Variants in WWTR1 observed in about 807,000 individuals in gnomAD.
WWTR1 encodes the protein WW domain-containing transcription regulator protein 1.
WWTR1 carries 13 observed loss-of-function variants against 40.1 expected under a neutral mutation model. The observed-to-expected ratio is 0.32, with a 90% confidence interval of 0.21 to 0.52. The LOEUF is 0.52. WWTR1 is among the 20% of genes least tolerant of loss of function. The pLI, the probability that WWTR1 is intolerant of heterozygous loss-of-function variation, is 0.97. For synonymous variants in WWTR1, 230 were observed against 210.1 expected (o/e 1.09, Z -0.82); for missense variants, 436 against 523.1 (o/e 0.83, Z 1.63).
chr3:149,537,928 T>G (rs907768431), intron 4 of WWTR1, among the ~76,000 whole-genome samples: 1 of 152,132 alleles, frequency 6.6e-6, no homozygotes, highest in Admixed American at 6.5e-5. Context: ...ATTTTTAATT[T>G]TTTTTTTTTG....
chr3:149,537,165 A>G (rs1735876747), intron 4 of WWTR1, among the ~76,000 whole-genome samples: 2 of 152,188 alleles, frequency 1.3e-5, no homozygotes, highest in Admixed American at 1.3e-4. Flanking sequence ...TTCAGTTGTA[A>G]CAACAGAATA....
chr3:149,672,820 G>A (rs1287412157), intron 1 of WWTR1, among the ~76,000 whole-genome samples: 1 of 145,970 alleles, frequency 6.9e-6, no homozygotes, highest in Non-Finnish European at 1.5e-5. Flanking sequence ...GTCTCACTTG[G>A]TCACCCAAAC....
At chr3:149,706,676 T>C (rs1015998336), upstream of WWTR1, among the ~76,000 whole-genome samples, 2 of 152,156 alleles carry the variant, frequency 1.3e-5, no homozygotes, top group African/African-American at 4.8e-5. Context: ...TTTTATATCC[T>C]TATATTTTGA....
At chr3:149,585,198 T>C (rs962535567) in intron 2 of WWTR1, among the ~76,000 whole-genome samples, 9 of 151,358 alleles carry the variant, frequency 5.9e-5, no homozygotes, top group African/African-American at 1.9e-4. Context: ...TGGAGAACGA[T>C]CTCTGCTCAC....
chr3:149,600,935 G>T (rs772130259), intron 2 of WWTR1, among the ~76,000 whole-genome samples: 1 of 152,084 alleles, frequency 6.6e-6, no homozygotes, highest in Non-Finnish European at 1.5e-5. Context: ...TCATGTGGGT[G>T]AGCCCCCTTG....
intron 2 of WWTR1, among the ~76,000 whole-genome samples, chr3:149,596,938 T>A (rs1176003752): frequency 6.6e-6 from 1 of 152,168 alleles, no homozygotes; most frequent in African/African-American, 2.4e-5. Flanking sequence ...CCAATATCTA[T>A]GACACACAAA....
chr3:149,657,448 A>T, intron 1 of WWTR1, 139 bp from the exon 2 acceptor site: 2 of 1,017,010 alleles, frequency 2.0e-6, no homozygotes, highest in South Asian at 1.7e-5. Flanking sequence ...GCCCGCCTGG[A>T]GATCCCAGAC....
chr3:149,720,168 G>T (rs1414463051), intron 4 of WWTR1, among the ~76,000 whole-genome samples: 1 of 151,876 alleles, frequency 6.6e-6, no homozygotes, highest in Non-Finnish European at 1.5e-5. Flanking sequence ...CTGTGCCTTT[G>T]GTGTCATCAC....
chr3:149,654,109 C>T (rs1713060163), intron 2 of WWTR1, among the ~76,000 whole-genome samples: 1 of 145,056 alleles, frequency 6.9e-6, no homozygotes, highest in Middle Eastern at 3.6e-3. Flanking sequence ...ATCTCTACCC[C>T]AGCCAAAAAT....
intron 2 of WWTR1, among the ~76,000 whole-genome samples, chr3:149,622,450 A>AAAGGAAGGAAGGAAGGAAGGAAGG (rs1217598530): frequency 4.1e-5 from 4 of 98,608 alleles, no homozygotes; most frequent in Admixed American, 1.2e-4. Flanking sequence ...AGAAAGAAAG[A>AAAGGAAGGAAGGAAGGAAGGAAGG]AAGGAAGGAA....
intron 2 of WWTR1, among the ~76,000 whole-genome samples, chr3:149,591,535 A>C (rs1415651309): frequency 1.3e-5 from 2 of 152,224 alleles, no homozygotes; most frequent in Non-Finnish European, 1.5e-5. Flanking sequence ...TTGACTATAT[A>C]ACTGTAATTA....
At chr3:149,550,726 C>T (rs1736580000) in intron 3 of WWTR1, among the ~76,000 whole-genome samples, 1 of 109,058 alleles carries the variant, frequency 9.2e-6, no homozygotes, top group Non-Finnish European at 2.0e-5. Context: ...AAAAACAAAG[C>T]AAAACAAAAT....
chr3:149,673,396 A>T (rs952700153), intron 1 of WWTR1, among the ~76,000 whole-genome samples: 3 of 152,222 alleles, frequency 2.0e-5, no homozygotes, highest in Non-Finnish European at 2.9e-5. Context: ...TATCTTGTGT[A>T]GTAGAGAATG....
chr3:149,660,022 A>G, upstream of WWTR1: 1 of 151,390 alleles, frequency 6.6e-6, no homozygotes, highest in Non-Finnish European at 1.5e-5. Flanking sequence ...TGGTTCAAGC[A>G]ATTATCCTGC....
chr3:149,665,711 CATT>C (rs1358072368), intron 2 of WWTR1, among the ~76,000 whole-genome samples: 1 of 151,942 alleles, frequency 6.6e-6, no homozygotes, highest in African/African-American at 2.4e-5. Flanking sequence ...TGAATACTAT[CATT>C]ATAACTTTGT....
chr3:149,645,110 C>T (rs749411941), intron 2 of WWTR1, among the ~76,000 whole-genome samples: 16 of 145,548 alleles, frequency 1.1e-4, no homozygotes, highest in Non-Finnish European at 2.1e-4. Context: ...GACGGAGTCT[C>T]GATCTGTCGC....
chr3:149,547,874 G>T, intron 3 of WWTR1, among the ~76,000 whole-genome samples: 1 of 141,646 alleles, frequency 7.1e-6, no homozygotes. Context: ...TTTGGAAATT[G>T]ATAAAACCAT....
intron 2 of WWTR1, among the ~76,000 whole-genome samples, chr3:149,636,728 T>C (rs1711834552): frequency 6.6e-6 from 1 of 152,032 alleles, no homozygotes; most frequent in Non-Finnish European, 1.5e-5. Context: ...AAAAAAATCA[T>C]TTATATTTCT....
chr3:149,573,849 C>G (rs1737758169), intron 2 of WWTR1, among the ~76,000 whole-genome samples: 1 of 152,094 alleles, frequency 6.6e-6, no homozygotes, highest in Non-Finnish European at 1.5e-5. Flanking sequence ...TCCAGCTTTG[C>G]CTACCACCTT....
Sources: allele counts gnomAD v4.1 joint callset (sites outside exome capture counted in the v4.1 genomes callset), GRCh38; gene constraint gnomAD v4.1.1; transcripts MANE v1.5; gene names NCBI Gene and HGNC (gene_info 2026-07-23, HGNC 2026-07-21).